The following STK32A variants were observed in gnomAD, a reference collection of about 807,000 sequenced individuals.
STK32A encodes the protein serine/threonine-protein kinase 32A.
A neutral mutation model predicts 53.2 loss-of-function variants in STK32A; 41 were observed. The ratio of observed to expected loss-of-function variants is 0.77; its 90% confidence interval spans 0.60 to 1.00. The LOEUF is 1.00. Ranked by LOEUF, STK32A falls within the 50% of genes least tolerant of loss-of-function variation. STK32A has a pLI of 0.00. For missense variants in STK32A, 458 were observed against 485.8 expected, an observed-to-expected ratio of 0.94 and a Z score of 0.54; for synonymous variants, 166 against 162.8, an observed-to-expected ratio of 1.02 and a Z score of -0.15.
intron 4 of STK32A, among the ~76,000 whole-genome samples, chr5:147,311,581 T>G (rs1753699885): frequency 6.6e-6 from 1 of 152,154 alleles, no homozygotes; most frequent in African/African-American, 2.4e-5. Context: ...TGTTTTGTTT[T>G]TAAGAGACAG....
chr5:147,300,010 T>G (rs914407738), intron 4 of STK32A, among the ~76,000 whole-genome samples: 8 of 152,088 alleles, frequency 5.3e-5, no homozygotes, highest in African/African-American at 1.4e-4. Flanking sequence ...CTCTTCTCAG[T>G]GGCTTTCCTG....
At chr5:147,271,082 G>A (rs185655391) in intron 2 of STK32A, among the ~76,000 whole-genome samples, 137 of 151,916 alleles carry the variant, frequency 9.0e-4, no homozygotes, top group African/African-American at 3.1e-3. Context: ...TGCAATGTCC[G>A]CCTCCTGGGT....
chr5:147,401,743 T>C, the STK32A span: 4 of 1,607,910 alleles, frequency 2.5e-6, no homozygotes, highest in Non-Finnish European at 3.4e-6. Flanking sequence ...AAGTATATGC[T>C]GCACTGGGCC....
At chr5:147,252,978 T>G (rs1754063686) in intron 2 of STK32A, among the ~76,000 whole-genome samples, 1 of 152,216 alleles carries the variant, frequency 6.6e-6, no homozygotes, top group Non-Finnish European at 1.5e-5. Context: ...TTGATATATC[T>G]GGGATGATAT....
intron 2 of STK32A, among the ~76,000 whole-genome samples, chr5:147,273,731 G>C (rs1229069280): frequency 6.6e-6 from 1 of 151,922 alleles, no homozygotes; most frequent in East Asian, 1.9e-4. Context: ...AAACTTTCTT[G>C]GTTTTAAAAA....
chr5:147,293,788 T>C (rs2151962499), intron 4 of STK32A, among the ~76,000 whole-genome samples: 1 of 152,010 alleles, frequency 6.6e-6, no homozygotes, highest in South Asian at 2.1e-4. Context: ...AGGCTAGGTA[T>C]CTTTGAGAGG....
At chr5:147,242,048 C>T (rs1753602020) in intron 2 of STK32A, among the ~76,000 whole-genome samples, 2 of 152,140 alleles carry the variant, frequency 1.3e-5, no homozygotes, top group African/African-American at 4.8e-5. Flanking sequence ...TTTTTAGTTA[C>T]TTTAAAGGAC....
At chr5:147,398,314 T>G in the STK32A span, among the ~76,000 whole-genome samples, 1 of 152,206 alleles carries the variant, frequency 6.6e-6, no homozygotes, top group African/African-American at 2.4e-5. Context: ...GAGGCATTAC[T>G]GTACTGCCAA....
At chr5:147,267,527 A>G (rs1027835831) in intron 2 of STK32A, among the ~76,000 whole-genome samples, 1 of 152,202 alleles carries the variant, frequency 6.6e-6, no homozygotes, top group African/African-American at 2.4e-5. Context: ...AAAAGTAAAT[A>G]AGATAATGTA....
Position 147,370,729 on chromosome 5 carries a change from C to G in STK32A, c.736C>G (p.Pro246Ala), listed in dbSNP as rs752775183. 2.5e-6 allele frequency: 4 copies of G among 1,612,350 alleles called. No homozygotes were observed. Among genetic ancestry groups the G allele is most frequent in the Non-Finnish European group, 2.5e-6 (3 of 1,178,798 alleles). ...GTTTGAGACGACTGTTGTAACTTAC[C>G]CTTCTGCCTGGTCACAGGAAATGGT... The part of the protein sequence containing the change: ...HTFETTVVTY[P>A]SAWSQEMVSL... The change falls in exon 9 of 13, where the codon CCT becomes GCT. Residue 246 changes from proline (P) to alanine (A), a missense_variant. Transcript: ENST00000397936.
intron 2 of STK32A, among the ~76,000 whole-genome samples, chr5:147,260,762 G>A (rs1754526857): frequency 6.6e-6 from 1 of 152,156 alleles, no homozygotes; most frequent in South Asian, 2.1e-4. Flanking sequence ...GCAGGCCCAT[G>A]GCGGGATACG....
intron 4 of STK32A, among the ~76,000 whole-genome samples, chr5:147,288,398 T>A (rs1162782272): frequency 2.6e-5 from 4 of 152,230 alleles, no homozygotes; most frequent in African/African-American, 9.6e-5. Context: ...CATCTTGCAG[T>A]GCTTTTGAAG....
chr5:147,355,922 T>G (rs1330672687), intron 7 of STK32A, among the ~76,000 whole-genome samples: 1 of 152,032 alleles, frequency 6.6e-6, no homozygotes, highest in Non-Finnish European at 1.5e-5. Flanking sequence ...CACATACTGT[T>G]TACATTTTTT....
chr5:147,341,836 A>G (rs183977509), intron 5 of STK32A, among the ~76,000 whole-genome samples: 1 of 152,282 alleles, frequency 6.6e-6, no homozygotes, highest in Non-Finnish European at 1.5e-5. Context: ...TCAAACACAC[A>G]ATTTTTGGTT....
chr5:147,370,517 C>G (rs893269108), intron 8 of STK32A, 137 bp from the exon 9 acceptor site: 2 of 493,912 alleles, frequency 4.0e-6, no homozygotes, highest in Admixed American at 3.3e-5. Flanking sequence ...CATATGGCAA[C>G]GCAAGAGTCA....
intron 5 of STK32A, among the ~76,000 whole-genome samples, chr5:147,340,994 A>G (rs1306248228): frequency 6.6e-6 from 1 of 152,226 alleles, no homozygotes; most frequent in African/African-American, 2.4e-5. Context: ...AGTTTCTGGG[A>G]AAAGTAGTTA....
chr5:147,253,363 T>C lies in STK32A; in HGVS notation c.52+13677T>C, dbSNP rs1254043974. On this transcript the variant is annotated intron_variant, in intron 2 of 12. Coordinates refer to ENST00000397936, the MANE Select transcript of STK32A (RefSeq NM_001112724.2). ...TTTAAATCATCTCTACAATTAATAA[T>C]ATCTAAAGCAGTTTGGTTGGTTTAT... 2.0e-5 allele frequency among the ~76,000 whole-genome samples: 3 copies of C among 152,222 alleles called. No homozygotes were observed. In the East Asian group the frequency reaches 5.8e-4, roughly 29 times the overall value.
chr5:147,328,288 TG>T (rs1349647350), intron 5 of STK32A, among the ~76,000 whole-genome samples: 2 of 152,228 alleles, frequency 1.3e-5, no homozygotes, highest in African/African-American at 4.8e-5. Context: ...AAATGTCTAG[TG>T]TAGTGATGTT....
At chr5:147,240,007 T>C in intron 2 of STK32A, 1 of 257,382 alleles carries the variant, frequency 3.9e-6, no homozygotes, top group Non-Finnish European at 7.3e-6. Context: ...GTTACCCCCA[T>C]TGCTCATTGT....
Sources: allele counts gnomAD v4.1 joint callset (sites outside exome capture counted in the v4.1 genomes callset), GRCh38; gene constraint gnomAD v4.1.1; transcripts MANE v1.5; gene names NCBI Gene and HGNC (gene_info 2026-07-23, HGNC 2026-07-21).